The following KNTC1 variants were observed in gnomAD, a reference collection of about 807,000 sequenced individuals.
KNTC1 encodes kinetochore-associated protein 1.
Under a neutral mutation model 314.4 loss-of-function variants are expected in KNTC1, and 253 were observed. The ratio of observed to expected loss-of-function variants is 0.80; its 90% CI spans 0.73 to 0.89. The LOEUF is 0.89. KNTC1 is among the 40% of genes least tolerant of loss of function. The probability of loss-of-function intolerance (pLI) is 0.00; values close to 1 mark genes in which losing one functional copy is unlikely to be tolerated. For synonymous variants in KNTC1, 901 were observed against 901.4 expected (o/e 1.00, Z 0.01); for missense variants, 2,475 against 2,572.9 (o/e 0.96, Z 0.82).
chr12:122,607,226 G>A (rs1054911456), intron 51 of KNTC1, among the ~76,000 whole-genome samples: 3 of 152,074 alleles, frequency 2.0e-5, no homozygotes, highest in Admixed American at 2.0e-4. Flanking sequence ...ACCATGCCCA[G>A]CTAATTTTTG....
In KNTC1 at chr12:122,617,361, T is replaced by A; in HGVS notation, c.6031-982T>A. ...AGTTACTTAACCACTCCTCTATTGA[T>A]GGAAGTTTACATTTTCTTTCCTCTT... is the stretch of plus-strand genomic sequence containing the variant. On this transcript the variant is annotated intron_variant, in intron 57 of 63. Transcript: ENST00000333479. 7 of 449,150 alleles carry A rather than the reference T, an allele frequency of 1.6e-5. No individual in the cohort carries two copies. In the Middle Eastern group the frequency reaches 2.0e-3, roughly 126 times the overall value. The allele number at this position is 449,150 out of a possible 1,614,324, so 27.8% of individuals were successfully genotyped here.
chr12:122,597,592 AG>A, intron 43 of KNTC1, 138 bp from the exon 44 acceptor site: 1 of 698,322 alleles, frequency 1.4e-6, no homozygotes, highest in East Asian at 2.7e-5. Flanking sequence ...GATGACAGGT[AG>A]TTTGTCTGAT....
intron 43 of KNTC1, among the ~76,000 whole-genome samples, chr12:122,596,505 C>T (rs1431527247): frequency 2.0e-5 from 3 of 151,020 alleles, no homozygotes; most frequent in African/African-American, 7.3e-5. Context: ...GCGTGAATCA[C>T]GTGCCCAGCC....
At chr12:122,617,278 T>G in intron 57 of KNTC1, 1 of 304,976 alleles carries the variant, frequency 3.3e-6, no homozygotes, top group Non-Finnish European at 6.7e-6. Context: ...CCTTTTGAGG[T>G]ATTTTATTAT....
In KNTC1 at chr12:122,597,750, G is replaced by A. The variant is rs1410875817; in HGVS notation, c.4375G>A (p.Asp1459Asn). ...EYCSTFQLDC[D>N]AVLQLFIETL... ...TTTTAGCACATTTCAGTTGGACTGC[G>A]ATGCAGTTCTTCAGCTCTTCATTGA... is the stretch of plus-strand genomic sequence containing the variant. The change falls in exon 44 of 64, where the codon GAT becomes AAT. Residue 1459 changes from aspartate (D) to asparagine (N), a missense_variant. Transcript: ENST00000333479. The A allele has an allele frequency of 3.1e-6, 5 of 1,613,772 alleles. No homozygotes were observed. The highest frequency in any genetic ancestry group is 3.4e-6 in the Non-Finnish European group (4 of 1,179,744).
chr12:122,602,503 G>T (rs534991155), intron 45 of KNTC1, 66 bp from the exon 46 acceptor site: 9 of 986,384 alleles, frequency 9.1e-6, no homozygotes, highest in South Asian at 3.3e-5. Flanking sequence ...TATACTATTA[G>T]ATGATTTTAT....
Position 122,613,694 on chromosome 12 carries a change from T to TA in KNTC1, c.5811dup (p.Phe1938IlefsTer6), listed in dbSNP as rs762186399. 5 of 1,613,310 alleles carry TA rather than the reference T, an allele frequency of 3.1e-6. No homozygotes were observed. In the South Asian group the frequency reaches 5.5e-5, roughly 18 times the overall value. ...TTGAATATCCCCATCACATATGAAT[T>TA]ATTTTGCAGCAGTCCTAAAGAAGGA... On this transcript the variant is annotated frameshift_variant, in exon 55 of 64. Transcript: ENST00000333479. LOFTEE classifies it high-confidence loss of function.
At chr12:122,583,818 T>A (rs780269163) in intron 34 of KNTC1, among the ~76,000 whole-genome samples, 1 of 151,012 alleles carries the variant, frequency 6.6e-6, no homozygotes, top group Non-Finnish European at 1.5e-5. Context: ...AGAGTGAGAC[T>A]CAGTCTCAGA....
At chr12:122,568,981 A>G (rs1301256592) in intron 21 of KNTC1, among the ~76,000 whole-genome samples, 1 of 152,196 alleles carries the variant, frequency 6.6e-6, no homozygotes, top group African/African-American at 2.4e-5. Flanking sequence ...AATGATGAGA[A>G]CACGTGGATG....
chr12:122,615,509 A>G lies in KNTC1; in HGVS notation c.6013A>G (p.Ile2005Val), dbSNP rs201035166. The G allele has an allele frequency of 2.5e-4, 386 of 1,526,992 alleles. No homozygotes were observed. The highest frequency in any genetic ancestry group is 5.7e-4 in the Middle Eastern group (3 of 5,246). 94.6% of individuals were successfully genotyped at this position (1,526,992 alleles called of 1,614,324 possible). Residue 2005 changes from isoleucine (I) to valine (V), a missense_variant, in exon 57 of 64, where the codon ATC (isoleucine) becomes GTC (valine). Physicochemically the swap from Ile to Val is conservative, Grantham distance 29. Coordinates refer to ENST00000333479, the MANE Select transcript of KNTC1 (RefSeq NM_014708.6). ...LRKVLKAISSIHSLWQVPYFS... is the reference protein window; with the variant it reads ...LRKVLKAISSVHSLWQVPYFS... ...GAAAGTTTTAAAAGCCATCTCCAGTATCCATTCTTTATGGCAGGTATGTAG... is the reference window on the plus strand; with the variant it reads ...GAAAGTTTTAAAAGCCATCTCCAGTGTCCATTCTTTATGGCAGGTATGTAG...
intron 27 of KNTC1, 100 bp downstream of exon 27, chr12:122,574,480 G>C: frequency 1.4e-6 from 1 of 708,798 alleles, no homozygotes; most frequent in Non-Finnish European, 2.3e-6. Context: ...GTTTTTGTTT[G>C]AGATGGGTCT....
chr12:122,549,404 C>T (rs893248404), intron 12 of KNTC1, among the ~76,000 whole-genome samples: 2 of 150,316 alleles, frequency 1.3e-5, no homozygotes, highest in South Asian at 4.2e-4. Flanking sequence ...GGCCGGAGTG[C>T]AGTGGCACAA....
At chr12:122,579,314 T>C (rs1438810971) in intron 31 of KNTC1, among the ~76,000 whole-genome samples, 1 of 152,002 alleles carries the variant, frequency 6.6e-6, no homozygotes, top group South Asian at 2.1e-4. Flanking sequence ...TCCGCCTGCC[T>C]CGGCCTCCCA....
chr12:122,602,573 T>A lies in KNTC1; in HGVS notation c.4658T>A (p.Leu1553Ter). The change falls in exon 46 of 64, where the codon TTG becomes TAG. Residue 1553 changes from leucine to a stop codon, truncating the protein, a stop_gained. Transcript: ENST00000333479. LOFTEE classifies it high-confidence loss of function. ...KITNININQA[L>*]SILKHLKSYR... ...AAGTTTTTTATTTTAATATAGGCAT[T>A]GAGTATTCTGAAACATTTGAAGTCA... 6.3e-7 allele frequency: 1 copy of A among 1,599,994 alleles called. No individual in the cohort carries two copies. The highest frequency in any genetic ancestry group is 1.1e-5 in the South Asian group (1 of 89,620).
intron 2 of KNTC1, among the ~76,000 whole-genome samples, chr12:122,531,048 CTTT>C (rs879544737): frequency 1.4e-4 from 20 of 142,764 alleles, no homozygotes; most frequent in African/African-American, 4.8e-4. Context: ...GTATTTAATT[CTTT>C]TTTTTTTTTA....
intron 4 of KNTC1, 139 bp from the exon 5 acceptor site, chr12:122,539,537 C>T (rs1011233854): frequency 1.0e-5 from 6 of 589,928 alleles, no homozygotes; most frequent in Non-Finnish European, 1.7e-5. Context: ...AAATAGTTTT[C>T]CATTTTAAAA....
intron 33 of KNTC1, 63 bp from the exon 34 acceptor site, chr12:122,582,642 A>G: frequency 7.1e-7 from 1 of 1,412,896 alleles, no homozygotes; most frequent in East Asian, 2.3e-5. Flanking sequence ...ACTAATGAAA[A>G]TGATTATTTT....
At chr12:122,542,982 G>T (rs183861821) in intron 6 of KNTC1, among the ~76,000 whole-genome samples, 1 of 151,784 alleles carries the variant, frequency 6.6e-6, no homozygotes, top group South Asian at 2.1e-4. Flanking sequence ...GTATGATATC[G>T]GCTCACTGCA....
chr12:122,611,164 A>G (rs1021564381), intron 53 of KNTC1: 1 of 441,394 alleles, frequency 2.3e-6, no homozygotes, highest in African/African-American at 2.0e-5. Context: ...ACAGTGGTTA[A>G]CTCCCTGGTC....
Sources: allele counts gnomAD v4.1 joint callset (sites outside exome capture counted in the v4.1 genomes callset), GRCh38; gene constraint gnomAD v4.1.1; transcripts MANE v1.5; gene names NCBI Gene and HGNC (gene_info 2026-07-23, HGNC 2026-07-21).